NPAS3: variants seen among roughly 807,000 people sequenced by gnomAD.
NPAS3 encodes neuronal PAS domain-containing protein 3.
A neutral mutation model predicts 73.1 loss-of-function variants in NPAS3; 14 were observed. That is an observed-to-expected ratio of 0.19 (90% CI 0.13 to 0.30). The LOEUF is 0.30. Among genes scored for constraint, NPAS3 ranks in the 10% least tolerant of loss-of-function variants. The pLI is 1.00. For synonymous variants in NPAS3, 620 were observed against 541.5 expected (o/e 1.14, Z -2.01); for missense variants, 1,096 against 1,250.0 (o/e 0.88, Z 1.86).
intron 1 of NPAS3, among the ~76,000 whole-genome samples, chr14:33,009,352 C>T (rs981030191): frequency 6.6e-6 from 1 of 152,094 alleles, no homozygotes; most frequent in African/African-American, 2.4e-5. Context: ...AGTTGAGGGT[C>T]AGCTTCTTGA....
intron 3 of NPAS3, among the ~76,000 whole-genome samples, chr14:33,297,491 T>C (rs764923201): frequency 4.6e-5 from 7 of 152,198 alleles, no homozygotes; most frequent in Non-Finnish European, 1.0e-4. Flanking sequence ...TCCCTGTTAC[T>C]CTCATTTATT....
intron 4 of NPAS3, among the ~76,000 whole-genome samples, chr14:33,507,559 AT>A (rs2052825884): frequency 1.3e-5 from 2 of 151,910 alleles, no homozygotes; most frequent in South Asian, 4.2e-4. Flanking sequence ...TCTTTTTATT[AT>A]ATAACTAGTA....
chr14:33,365,145 G>A (rs2045780917), intron 3 of NPAS3, among the ~76,000 whole-genome samples: 1 of 118,996 alleles, frequency 8.4e-6, no homozygotes, highest in Non-Finnish European at 1.6e-5. Flanking sequence ...GGACACTTGA[G>A]AAGTTTTTCA....
chr14:33,429,256 C>A (rs1180366086), intron 4 of NPAS3, among the ~76,000 whole-genome samples: 2 of 152,122 alleles, frequency 1.3e-5, no homozygotes, highest in Non-Finnish European at 2.9e-5. Flanking sequence ...TTCCAGCAAG[C>A]TCATGTCCTT....
chr14:33,692,874 A>C (rs1319780505), intron 6 of NPAS3, among the ~76,000 whole-genome samples: 1 of 136,200 alleles, frequency 7.3e-6, no homozygotes, highest in African/African-American at 2.8e-5. Context: ...GCCTTGAGTT[A>C]ATTTGCGTAG....
At chr14:33,055,266 C>T (rs924333084) in intron 1 of NPAS3, among the ~76,000 whole-genome samples, 1 of 152,048 alleles carries the variant, frequency 6.6e-6, no homozygotes, top group Non-Finnish European at 1.5e-5. Context: ...AAGCTTTTTC[C>T]CCTTTTTGCC....
At chr14:33,147,730 A>AAAAAAAATATATATATATATAT (rs372663411) in intron 2 of NPAS3, among the ~76,000 whole-genome samples, 10 of 130,356 alleles carry the variant, frequency 7.7e-5, no homozygotes, top group African/African-American at 3.2e-4. Flanking sequence ...TAGAATAAAA[A>AAAAAAAATATATATATATATAT]ATATATATAT....
At chr14:33,185,096 A>C (rs1451734442) in intron 2 of NPAS3, among the ~76,000 whole-genome samples, 6 of 152,152 alleles carry the variant, frequency 3.9e-5, no homozygotes, top group Non-Finnish European at 7.4e-5. Flanking sequence ...CAAAGGGCTT[A>C]TTTGGATCAT....
chr14:33,606,358 A>G (rs2057565632), intron 5 of NPAS3, among the ~76,000 whole-genome samples: 1 of 151,746 alleles, frequency 6.6e-6, no homozygotes. Flanking sequence ...TTTACTGAGA[A>G]TGATGATTTC....
At chr14:33,031,908 G>A (rs2040009579) in intron 1 of NPAS3, among the ~76,000 whole-genome samples, 1 of 152,188 alleles carries the variant, frequency 6.6e-6, no homozygotes, top group African/African-American at 2.4e-5. Context: ...AGAGCGGAAT[G>A]TAATAGACAT....
At chr14:33,707,147 A>G (rs1240620742) in intron 6 of NPAS3, among the ~76,000 whole-genome samples, 1 of 152,178 alleles carries the variant, frequency 6.6e-6, no homozygotes, top group Non-Finnish European at 1.5e-5. Context: ...AGCCAAGATG[A>G]TTAATAAGGC....
chr14:32,938,122 C>T (rs1361484759), upstream of NPAS3, among the ~76,000 whole-genome samples: 1 of 152,116 alleles, frequency 6.6e-6, no homozygotes, highest in African/African-American at 2.4e-5. Flanking sequence ...GGTCTGCACT[C>T]CTGTACGTCC....
intron 5 of NPAS3, among the ~76,000 whole-genome samples, chr14:33,643,887 ATTTT>A (rs969540865): frequency 6.7e-6 from 1 of 150,212 alleles, no homozygotes; most frequent in Non-Finnish European, 1.5e-5. Flanking sequence ...TGGGGAGAAG[ATTTT>A]TTTTTTAACC....
intron 2 of NPAS3, among the ~76,000 whole-genome samples, chr14:33,077,065 G>A (rs964917288): frequency 6.6e-6 from 1 of 152,134 alleles, no homozygotes; most frequent in South Asian, 2.1e-4. Flanking sequence ...TGGGTGAAAC[G>A]GGCAAAGGTA....
chr14:32,942,337 A>C (rs760558156), intron 1 of NPAS3, among the ~76,000 whole-genome samples: 5 of 152,216 alleles, frequency 3.3e-5, no homozygotes, highest in African/African-American at 1.2e-4. Context: ...TACAGTACCA[A>C]AGTCATTTCC....
intron 3 of NPAS3, among the ~76,000 whole-genome samples, chr14:33,285,231 C>T (rs530462842): frequency 6.6e-5 from 10 of 152,172 alleles, no homozygotes; most frequent in East Asian, 5.8e-4. Flanking sequence ...TCAGAGCTGC[C>T]GTAGTCAGAA....
At chr14:33,614,933 T>C (rs1244900564) in intron 5 of NPAS3, among the ~76,000 whole-genome samples, 1 of 150,604 alleles carries the variant, frequency 6.6e-6, no homozygotes, top group Non-Finnish European at 1.5e-5. Flanking sequence ...GTAAGAATTG[T>C]AGGAAAAAAG....
chr14:33,066,843 G>C (rs965240608), intron 2 of NPAS3, among the ~76,000 whole-genome samples: 41 of 152,298 alleles, frequency 2.7e-4, no homozygotes, highest in African/African-American at 9.4e-4. Flanking sequence ...TCCTACTTCT[G>C]TGTTGGCTGG....
chr14:33,599,928 T>A (rs1050838751), intron 5 of NPAS3, among the ~76,000 whole-genome samples: 2 of 152,212 alleles, frequency 1.3e-5, no homozygotes, highest in Non-Finnish European at 2.9e-5. Flanking sequence ...ATGAGAAATG[T>A]GTTGATGACA....
Sources: gnomAD v4.1 joint callset for allele counts (sites outside exome capture counted in the v4.1 genomes callset) on GRCh38, gnomAD v4.1.1 for gene constraint, MANE v1.5 for transcripts, NCBI Gene and HGNC (gene_info 2026-07-23, HGNC 2026-07-21) for gene names.